IL1RAPL2: variants seen among roughly 807,000 people sequenced by gnomAD.
IL1RAPL2 encodes X-linked interleukin-1 receptor accessory protein-like 2.
A neutral mutation model predicts 44.1 loss-of-function variants in IL1RAPL2; 3 were observed. That is an observed-to-expected ratio of 0.07 (90% CI 0.03 to 0.18). The LOEUF is 0.18. IL1RAPL2 is among the 10% of genes least tolerant of loss of function. IL1RAPL2 has a pLI of 1.00. For synonymous variants in IL1RAPL2, 181 were observed against 178.8 expected, an observed-to-expected ratio of 1.01 and a Z score of -0.10; for missense variants, 391 against 496.4, an observed-to-expected ratio of 0.79 and a Z score of 2.02.
At chrX:104,940,721 T>TTTTTA (rs1175897421) in intron 2 of IL1RAPL2, among the ~76,000 whole-genome samples, 22 of 110,710 alleles carry the variant, frequency 2.0e-4, no homozygotes, top group African/African-American at 6.6e-4. Flanking sequence ...TTACATTGAT[T>TTTTTA]TTTTATTTTA....
At chrX:105,662,611 AC>A in intron 6 of IL1RAPL2, among the ~76,000 whole-genome samples, 1 of 112,224 alleles carries the variant, frequency 8.9e-6, no homozygotes, top group Admixed American at 9.5e-5. Flanking sequence ...ATAGAGTAAA[AC>A]AAAGGCAGGT....
At chrX:105,339,371 G>T (rs993260715) in intron 5 of IL1RAPL2, among the ~76,000 whole-genome samples, 2 of 111,444 alleles carry the variant, frequency 1.8e-5, no homozygotes, top group African/African-American at 6.5e-5. Context: ...TCAGATTTTA[G>T]TTGTTGGAAT....
intron 5 of IL1RAPL2, among the ~76,000 whole-genome samples, chrX:105,338,630 G>A (rs1235589006): frequency 8.9e-6 from 1 of 111,900 alleles, no homozygotes; most frequent in Non-Finnish European, 1.9e-5. Flanking sequence ...GCCAAGGGGA[G>A]TTAAATTGCA....
At position 105,219,677 on chromosome X, in the gene IL1RAPL2, C is replaced by T; in HGVS notation, c.357-14141C>T. 4 of 1,210,551 alleles carry T rather than the reference C, an allele frequency of 3.3e-6. No homozygotes were observed. Among genetic ancestry groups the T allele is most frequent in the Non-Finnish European group, 4.5e-6 (4 of 895,404 alleles). ...GCCGCCTCTTCTTCCTCCTCAGCTG[C>T]TCCTTCTGTGCAAACCCCTCCGGCA... On this transcript the variant is annotated intron_variant, in intron 3 of 10. Transcript: ENST00000372582.
intron 5 of IL1RAPL2, among the ~76,000 whole-genome samples, chrX:105,324,364 T>A (rs1340161032): frequency 9.0e-6 from 1 of 111,465 alleles, no homozygotes; most frequent in Non-Finnish European, 1.9e-5. Flanking sequence ...TCTGATTGGA[T>A]TCCCTTAACC....
intron 2 of IL1RAPL2, among the ~76,000 whole-genome samples, chrX:105,015,293 T>C (rs753722933): frequency 9.0e-6 from 1 of 111,574 alleles, no homozygotes; most frequent in Admixed American, 9.5e-5. Context: ...TATCTTTTGC[T>C]GTGCAGGAGC....
chrX:105,093,724 T>C, intron 2 of IL1RAPL2, among the ~76,000 whole-genome samples: 1 of 111,419 alleles, frequency 9.0e-6, no homozygotes. Flanking sequence ...GAGTGCAAAA[T>C]TATAGCTAAC....
At position 104,855,681 on chromosome X, in the gene IL1RAPL2, GTTT is replaced by G. The variant is rs1556002120; in HGVS notation, c.82+196701_82+196703del. 7.4e-5 allele frequency among the ~76,000 whole-genome samples: 4 copies of G among 53,870 alleles called. 1 individual carries two copies. The highest frequency in any genetic ancestry group is 2.4e-4 in the African/African-American group (4 of 16,518). The allele number at this position is 53,870 out of a possible 115,157, so 46.8% of individuals were successfully genotyped here. A position where few individuals can be genotyped will look rare whatever the true frequency, so the allele number is the denominator to read the frequency against. On this transcript the variant is annotated intron_variant, in intron 2 of 10. Transcript: ENST00000372582. ...TTAACTGTGCTAAGGATCTGGATCC[GTTT>G]TTTTTTTTTTTTTTACTGTATCTCT...
rs1231279504 is a variant in IL1RAPL2, at chrX:105,150,624, A to C, written c.83-44851A>C. On this transcript the variant is annotated intron_variant, in intron 2 of 10. Transcript: ENST00000372582. ...TGCCTCAGCCTTAGGGGAAAGAACT[A>C]AGTGATTTGTCTTTCATGGAGGTTA... is the stretch of plus-strand genomic sequence containing the variant. Among the ~76,000 whole-genome samples, 3 of 112,020 alleles carry C rather than the reference A, an allele frequency of 2.7e-5. No homozygotes were observed. In the Admixed American group the frequency reaches 2.8e-4, roughly 11 times the overall value.
intron 2 of IL1RAPL2, among the ~76,000 whole-genome samples, chrX:104,847,602 A>C (rs1242109236): frequency 8.9e-6 from 1 of 111,805 alleles, no homozygotes; most frequent in African/African-American, 3.3e-5. Flanking sequence ...GTAGCCTTGT[A>C]GTATAGCTTG....
Position 105,406,859 on chromosome X carries a change from C to G in IL1RAPL2, c.698-77454C>G, listed in dbSNP as rs1246178128. 14 of 1,141,491 alleles carry G rather than the reference C, an allele frequency of 1.2e-5. No individual in the cohort carries two copies. The East Asian group carries it at 3.6e-4, about 29-fold the overall frequency. 94.1% of individuals were successfully genotyped at this position (1,141,491 alleles called of 1,213,427 possible). A position where few individuals can be genotyped will look rare whatever the true frequency, so the allele number is the denominator to read the frequency against. On this transcript the variant is annotated intron_variant, in intron 5 of 10. Coordinates refer to ENST00000372582, the MANE Select transcript of IL1RAPL2 (RefSeq NM_017416.2). ...ATGACAGGAATTAACCTGAGAGTGGCTACCTTAAAAGATGCAAAGTTGAAG... is the reference window on the plus strand; with the variant it reads ...ATGACAGGAATTAACCTGAGAGTGGGTACCTTAAAAGATGCAAAGTTGAAG...
At chrX:105,226,525 G>A (rs1255849242) in intron 3 of IL1RAPL2, among the ~76,000 whole-genome samples, 1 of 103,877 alleles carries the variant, frequency 9.6e-6, no homozygotes, top group Non-Finnish European at 1.9e-5. Flanking sequence ...AGCCTCCTAA[G>A]TAGCTGGGAT....
intron 1 of IL1RAPL2, among the ~76,000 whole-genome samples, chrX:104,623,790 C>A (rs1323022380): frequency 8.9e-6 from 1 of 111,846 alleles, no homozygotes; most frequent in Non-Finnish European, 1.9e-5. Flanking sequence ...GGATGAAGGT[C>A]CAGAATGGGG....
chrX:104,925,965 C>G (rs1261638429), intron 2 of IL1RAPL2, among the ~76,000 whole-genome samples: 1 of 112,147 alleles, frequency 8.9e-6, no homozygotes, highest in Admixed American at 9.5e-5. Flanking sequence ...AGCCCAAAAA[C>G]TCCTTTAGCT....
intron 3 of IL1RAPL2, among the ~76,000 whole-genome samples, chrX:105,198,953 G>A (rs2033693503): frequency 9.0e-6 from 1 of 111,591 alleles, no homozygotes; most frequent in Admixed American, 9.5e-5. Context: ...TTGATCACCT[G>A]GCTTGAGGTG....
intron 6 of IL1RAPL2, among the ~76,000 whole-genome samples, chrX:105,532,792 T>C (rs946979554): frequency 4.5e-5 from 5 of 111,638 alleles, no homozygotes; most frequent in African/African-American, 1.6e-4. Flanking sequence ...TACATATTTT[T>C]CCAATTTCTT....
At chrX:105,401,334 A>T (rs2035605226) in intron 5 of IL1RAPL2, among the ~76,000 whole-genome samples, 1 of 111,597 alleles carries the variant, frequency 9.0e-6, no homozygotes, top group African/African-American at 3.2e-5. Context: ...AGGATCCTTA[A>T]GCAGAGTACA....
At chrX:104,929,990 C>T (rs2147696361) in intron 2 of IL1RAPL2, among the ~76,000 whole-genome samples, 1 of 111,843 alleles carries the variant, frequency 8.9e-6, no homozygotes, top group African/African-American at 3.2e-5. Context: ...CATGTTATTG[C>T]TTACTTGTTG....
At chrX:105,214,921 A>C (rs782768916) in intron 3 of IL1RAPL2, among the ~76,000 whole-genome samples, 5 of 112,495 alleles carry the variant, frequency 4.4e-5, no homozygotes, top group Admixed American at 9.4e-5. Context: ...AATGAGAACA[A>C]AGAGACAATG....
Sources: gnomAD v4.1 joint callset for allele counts (sites outside exome capture counted in the v4.1 genomes callset) on GRCh38, gnomAD v4.1.1 for gene constraint, MANE v1.5 for transcripts, NCBI Gene and HGNC (gene_info 2026-07-23, HGNC 2026-07-21) for gene names.